Variants in TRDN observed in about 807,000 individuals in gnomAD.
TRDN encodes triadin in skeletal muscle.
Under a neutral mutation model 149.7 loss-of-function variants are expected in TRDN, and 161 were observed. The ratio of observed to expected loss-of-function variants is 1.08; its 90% CI spans 0.95 to 1.23. The LOEUF (loss-of-function observed/expected upper bound fraction) is 1.23, where lower values mean the gene tolerates loss of function less well. TRDN is among the 50% of genes most tolerant of loss of function. The pLI is 0.00. For synonymous variants in TRDN, 294 were observed against 250.5 expected (o/e 1.17, Z -1.64); for missense variants, 896 against 823.5 (o/e 1.09, Z -1.08).
intron 22 of TRDN, among the ~76,000 whole-genome samples, chr6:123,333,248 C>T (rs182249365): frequency 1.3e-3 from 190 of 151,906 alleles, no homozygotes; most frequent in African/African-American, 4.1e-3. Context: ...TGCAATGCTT[C>T]GAGTCTCAGA....
chr6:123,311,910 A>G (rs1288109222), intron 24 of TRDN, among the ~76,000 whole-genome samples: 1 of 151,974 alleles, frequency 6.6e-6, no homozygotes, highest in Non-Finnish European at 1.5e-5. Context: ...AAAAGGTGGG[A>G]GGTGAAGGAT....
chr6:123,533,688 A>C (rs1780365836), intron 4 of TRDN, among the ~76,000 whole-genome samples: 1 of 152,046 alleles, frequency 6.6e-6, no homozygotes, highest in Non-Finnish European at 1.5e-5. Flanking sequence ...ACCATCCTGA[A>C]AAAAAGAAAT....
chr6:123,502,363 T>A, intron 8 of TRDN: 2 of 723,540 alleles, frequency 2.8e-6, no homozygotes, highest in African/African-American at 1.9e-5. Flanking sequence ...TATAATCACC[T>A]TGAAAATTGG....
rs548090294 is a variant in TRDN, at chr6:123,546,525, C to T, written c.424+815G>A. On this transcript the variant is annotated intron_variant, in intron 4 of 40. Coordinates refer to ENST00000334268, the MANE Select transcript of TRDN (RefSeq NM_006073.4). Reference sequence around the variant, plus strand: ...CTGGGTAAACCCTCAACAGCCTGCCCATGTGTAGCAGTAACTAAAACACTG... The same window carrying T: ...CTGGGTAAACCCTCAACAGCCTGCCTATGTGTAGCAGTAACTAAAACACTG... Among the ~76,000 whole-genome samples the T allele has an allele frequency of 2.6e-5, 4 of 152,158 alleles. No individual in the cohort carries two copies. In the East Asian group the frequency reaches 7.7e-4, roughly 29 times the overall value.
chr6:123,404,495 C>G (rs559784748), intron 12 of TRDN, among the ~76,000 whole-genome samples: 1 of 152,062 alleles, frequency 6.6e-6, no homozygotes, highest in African/African-American at 2.4e-5. Context: ...GTCACCCAGG[C>G]GGGAGTGCAG....
intron 2 of TRDN, among the ~76,000 whole-genome samples, chr6:123,552,414 T>A (rs1165684351): frequency 6.6e-6 from 1 of 152,182 alleles, no homozygotes; most frequent in East Asian, 1.9e-4. Context: ...AGACCATAGT[T>A]TCACTGTTAT....
intron 12 of TRDN, among the ~76,000 whole-genome samples, chr6:123,421,935 C>T (rs954322658): frequency 6.6e-6 from 1 of 151,864 alleles, no homozygotes; most frequent in Non-Finnish European, 1.5e-5. Flanking sequence ...AATAGCACCA[C>T]TGCACTTCAG....
At chr6:123,381,614 C>A (rs1051292270) in intron 15 of TRDN, among the ~76,000 whole-genome samples, 1 of 151,860 alleles carries the variant, frequency 6.6e-6, no homozygotes, top group African/African-American at 2.4e-5. Flanking sequence ...TAAATTAACC[C>A]AGGATTATAC....
intron 1 of TRDN, among the ~76,000 whole-genome samples, chr6:123,588,643 A>C (rs1012728601): frequency 1.2e-4 from 19 of 152,182 alleles, no homozygotes; most frequent in Admixed American, 1.3e-4. Context: ...TAGTGTGCTT[A>C]AACAGGAGAC....
intron 38 of TRDN, among the ~76,000 whole-genome samples, chr6:123,226,230 A>C (rs1276295521): frequency 6.6e-6 from 1 of 151,856 alleles, no homozygotes; most frequent in Non-Finnish European, 1.5e-5. Flanking sequence ...ATAATGAAAC[A>C]GTACAAACTG....
rs549140292 is a variant in TRDN, at chr6:123,296,128, A to T, written c.1511-17046T>A. 4.9e-4 allele frequency among the ~76,000 whole-genome samples: 75 copies of T among 152,260 alleles called. 1 individual carries two copies. The South Asian group carries it at 0.015, about 30-fold the overall frequency. Reference sequence around the variant, plus strand: ...TCTCCTGGGTTTACTGCTCTTTAAGACATCTATTTACTCAACTCGTGATAG... The same window carrying T: ...TCTCCTGGGTTTACTGCTCTTTAAGTCATCTATTTACTCAACTCGTGATAG... On this transcript the variant is annotated intron_variant, in intron 24 of 40. Coordinates refer to ENST00000334268, the MANE Select transcript of TRDN (RefSeq NM_006073.4).
intron 10 of TRDN, among the ~76,000 whole-genome samples, chr6:123,458,633 A>G (rs896127118): frequency 6.6e-6 from 1 of 152,218 alleles, no homozygotes; most frequent in African/African-American, 2.4e-5. Flanking sequence ...AAATAGATAG[A>G]GAGATAGATG....
intron 39 of TRDN, among the ~76,000 whole-genome samples, chr6:123,223,503 C>A (rs954970550): frequency 6.6e-6 from 1 of 151,688 alleles, no homozygotes; most frequent in Non-Finnish European, 1.5e-5. Flanking sequence ...AAGCCAGGAA[C>A]CTTTCAGAAA....
chr6:123,391,608 A>T (rs1323971149), intron 13 of TRDN, among the ~76,000 whole-genome samples: 3 of 152,052 alleles, frequency 2.0e-5, no homozygotes, highest in Non-Finnish European at 2.9e-5. Context: ...AAACTTTGTT[A>T]AAATAATTTC....
intron 24 of TRDN, among the ~76,000 whole-genome samples, chr6:123,280,511 A>G (rs961717402): frequency 3.3e-5 from 5 of 152,118 alleles, no homozygotes; most frequent in Admixed American, 1.3e-4. Flanking sequence ...CTATAGGTCA[A>G]TTTGGAAAGA....
chr6:123,350,439 T>C (rs563095455), intron 21 of TRDN: 3 of 578,066 alleles, frequency 5.2e-6, no homozygotes, highest in South Asian at 1.6e-4. Flanking sequence ...AAAATAAATA[T>C]TTAAAGAGAA....
At chr6:123,418,816 A>G (rs537562940) in intron 12 of TRDN, among the ~76,000 whole-genome samples, 1 of 152,186 alleles carries the variant, frequency 6.6e-6, no homozygotes, top group African/African-American at 2.4e-5. Context: ...CTCCCAGCAA[A>G]GCATTCTGTT....
chr6:123,436,951 A>G (rs753531093), intron 12 of TRDN, among the ~76,000 whole-genome samples: 1 of 152,192 alleles, frequency 6.6e-6, no homozygotes, highest in Non-Finnish European at 1.5e-5. Flanking sequence ...AGCATCACTG[A>G]CATCAGTGGA....
intron 24 of TRDN, among the ~76,000 whole-genome samples, chr6:123,298,481 T>C (rs1026172806): frequency 6.6e-6 from 1 of 152,076 alleles, no homozygotes; most frequent in African/African-American, 2.4e-5. Flanking sequence ...CAACATCTTA[T>C]GTAAGTCGCC....
Sources: gnomAD v4.1 joint callset for allele counts (sites outside exome capture counted in the v4.1 genomes callset) on GRCh38, gnomAD v4.1.1 for gene constraint, MANE v1.5 for transcripts, NCBI Gene and HGNC (gene_info 2026-07-23, HGNC 2026-07-21) for gene names.